Variants in MACROD2 observed in about 807,000 individuals in gnomAD.
MACROD2 encodes the protein mono-ADP ribosylhydrolase 2.
Under a neutral mutation model 70.4 loss-of-function variants are expected in MACROD2, and 36 were observed. That is an observed-to-expected ratio of 0.51 (90% CI 0.39 to 0.68). The LOEUF (loss-of-function observed/expected upper bound fraction) is 0.68, where lower values mean the gene tolerates loss of function less well. Among genes scored for constraint, MACROD2 ranks in the 30% least tolerant of loss-of-function variants. The pLI is 0.00. For missense variants in MACROD2, 496 were observed against 538.4 expected (o/e 0.92, Z 0.78); for synonymous variants, 172 against 178.8 (o/e 0.96, Z 0.30).
intron 1 of MACROD2, among the ~76,000 whole-genome samples, chr20:14,000,436 T>C (rs1201384258): frequency 1.3e-5 from 2 of 152,208 alleles, no homozygotes; most frequent in African/African-American, 4.8e-5. Flanking sequence ...TTTATTTCTG[T>C]GAAATAGTCT....
At chr20:14,048,551 T>C (rs1359529888) in intron 2 of MACROD2, among the ~76,000 whole-genome samples, 1 of 152,198 alleles carries the variant, frequency 6.6e-6, no homozygotes, top group Admixed American at 6.5e-5. Flanking sequence ...AGTTTCAGTA[T>C]TACGACCCTA....
chr20:14,806,096 G>A (rs1455250964), intron 5 of MACROD2, among the ~76,000 whole-genome samples: 1 of 152,096 alleles, frequency 6.6e-6, no homozygotes, highest in South Asian at 2.1e-4. Context: ...TAGTTGGAAG[G>A]TCTTATTTCC....
intron 5 of MACROD2, among the ~76,000 whole-genome samples, chr20:14,878,198 G>A (rs1024896461): frequency 6.6e-6 from 1 of 152,180 alleles, no homozygotes; most frequent in Non-Finnish European, 1.5e-5. Flanking sequence ...TGTAAGCATT[G>A]AGAGGGTTTG....
chr20:14,370,446 T>C (rs2083311434), intron 3 of MACROD2, among the ~76,000 whole-genome samples: 1 of 152,186 alleles, frequency 6.6e-6, no homozygotes, highest in Non-Finnish European at 1.5e-5. Flanking sequence ...ATTTCTTTTA[T>C]CCTTCTTTTT....
intron 4 of MACROD2, 160 bp downstream of exon 4, chr20:14,493,668 C>T (rs2084819426): frequency 1.8e-6 from 1 of 568,616 alleles, no homozygotes; most frequent in Non-Finnish European, 3.1e-6. Context: ...ATATAAATAC[C>T]TTGGTTTGCT....
At chr20:15,036,869 CAAAGATAATTAT>C (rs1174055921) in intron 5 of MACROD2, among the ~76,000 whole-genome samples, 1 of 150,956 alleles carries the variant, frequency 6.6e-6, no homozygotes, top group Non-Finnish European at 1.5e-5. Flanking sequence ...GATTTAGTTA[CAAAGATAATTAT>C]AAAGATAATT....
At chr20:14,912,496 G>T (rs542562315) in intron 5 of MACROD2, among the ~76,000 whole-genome samples, 2 of 152,130 alleles carry the variant, frequency 1.3e-5, no homozygotes, top group East Asian at 3.9e-4. Context: ...GTTGGGGCAT[G>T]CCAGCTAGTC....
intron 8 of MACROD2, among the ~76,000 whole-genome samples, chr20:15,581,428 A>C (rs762212257): frequency 6.6e-6 from 1 of 152,008 alleles, no homozygotes; most frequent in Non-Finnish European, 1.5e-5. Flanking sequence ...TGCCTCTGTG[A>C]CCTCCAGTTA....
chr20:14,594,318 G>A lies in MACROD2; in HGVS notation c.302-90525G>A, dbSNP rs548191682. ...GGTCCACTTCTTTTAAATGAAAAAA[G>A]AAGATATTTAGAAATTACAAGGCAT... On this transcript the variant is annotated intron_variant, in intron 4 of 17. Coordinates refer to ENST00000684519, the MANE Select transcript of MACROD2 (RefSeq NM_001351661.2). Among the ~76,000 whole-genome samples, 9 of 152,172 alleles carry A rather than the reference G, an allele frequency of 5.9e-5. No individual in the cohort carries two copies. In the South Asian group the frequency reaches 1.5e-3, roughly 25 times the overall value.
At chr20:15,380,425 G>GTTT (rs11455793) in intron 6 of MACROD2, among the ~76,000 whole-genome samples, 1 of 147,674 alleles carries the variant, frequency 6.8e-6, no homozygotes. Context: ...CTTAGGGAAA[G>GTTT]TTTTTTTTTT....
At chr20:15,837,387 T>C (rs1260056665) in intron 8 of MACROD2, among the ~76,000 whole-genome samples, 1 of 152,154 alleles carries the variant, frequency 6.6e-6, no homozygotes, top group Non-Finnish European at 1.5e-5. Context: ...AACTGGTCTC[T>C]CAACTTTCTC....
intron 3 of MACROD2, among the ~76,000 whole-genome samples, chr20:14,160,203 C>T (rs903939794): frequency 3.4e-4 from 51 of 151,904 alleles, no homozygotes; most frequent in African/African-American, 3.9e-4. Context: ...AGTCTTTCTC[C>T]GGTTTTGGAA....
At chr20:14,462,457 G>T (rs2084383962) in intron 3 of MACROD2, among the ~76,000 whole-genome samples, 1 of 151,874 alleles carries the variant, frequency 6.6e-6, no homozygotes, top group Non-Finnish European at 1.5e-5. Flanking sequence ...TGAGTAGATT[G>T]CAAAAATTTT....
chr20:15,307,106 A>T (rs1247264764), intron 6 of MACROD2, among the ~76,000 whole-genome samples: 1 of 152,036 alleles, frequency 6.6e-6, no homozygotes, highest in East Asian at 1.9e-4. Flanking sequence ...CTAGGCCCCC[A>T]CTCCAACACT....
At chr20:14,117,675 C>A (rs2054533090) in intron 3 of MACROD2, among the ~76,000 whole-genome samples, 1 of 152,152 alleles carries the variant, frequency 6.6e-6, no homozygotes, top group African/African-American at 2.4e-5. Flanking sequence ...CATGACTCTT[C>A]ATTTCCTTTG....
At chr20:14,685,007 T>C (rs747764265) in intron 5 of MACROD2, 48 bp downstream of exon 5, 4 of 1,421,750 alleles carry the variant, frequency 2.8e-6, no homozygotes. Flanking sequence ...ACATCTTAAC[T>C]TGTTTTACTC....
At chr20:14,412,097 C>T (rs2083756053) in intron 3 of MACROD2, among the ~76,000 whole-genome samples, 1 of 152,136 alleles carries the variant, frequency 6.6e-6, no homozygotes, top group African/African-American at 2.4e-5. Flanking sequence ...TCCTTTTAAG[C>T]TCAAATTGCA....
chr20:15,140,861 G>A (rs991522363), intron 5 of MACROD2, among the ~76,000 whole-genome samples: 42 of 152,264 alleles, frequency 2.8e-4, no homozygotes, highest in African/African-American at 9.6e-4. Flanking sequence ...TAAGTCAGTT[G>A]TGAAAGACCA....
intron 8 of MACROD2, among the ~76,000 whole-genome samples, chr20:15,707,994 AG>A (rs752129421): frequency 1.1e-3 from 163 of 151,950 alleles, no homozygotes; most frequent in Admixed American, 2.5e-3. Context: ...AGTGTCACCA[AG>A]TTCTGAGGGA....
Sources: allele counts gnomAD v4.1 joint callset (sites outside exome capture counted in the v4.1 genomes callset), GRCh38; gene constraint gnomAD v4.1.1; transcripts MANE v1.5; gene names NCBI Gene and HGNC (gene_info 2026-07-23, HGNC 2026-07-21).